Variants in RNF157 observed in about 807,000 individuals in gnomAD.
RNF157 encodes E3 ubiquitin ligase RNF157.
Under a neutral mutation model 88.3 loss-of-function variants are expected in RNF157, and 55 were observed. That is an observed-to-expected ratio of 0.62 (90% CI 0.50 to 0.78). The LOEUF is 0.78. Among genes scored for constraint, RNF157 ranks in the 30% least tolerant of loss-of-function variants. The probability of loss-of-function intolerance (pLI) is 0.00; values close to 1 mark genes in which losing one functional copy is unlikely to be tolerated. For synonymous variants in RNF157, 334 were observed against 341.2 expected, an observed-to-expected ratio of 0.98 and a Z score of 0.23; for missense variants, 788 against 860.8, an observed-to-expected ratio of 0.92 and a Z score of 1.06.
At chr17:76,173,974 A>G (rs971864200) in intron 2 of RNF157, among the ~76,000 whole-genome samples, 184 bp from the exon 3 acceptor site, 2 of 152,132 alleles carry the variant, frequency 1.3e-5, no homozygotes, top group African/African-American at 4.8e-5. Context: ...AGCTAGCGGG[A>G]AAACTGGGAT....
intron 2 of RNF157, among the ~76,000 whole-genome samples, chr17:76,180,939 A>G (rs768231378): frequency 1.3e-5 from 2 of 152,192 alleles, no homozygotes; most frequent in Non-Finnish European, 2.9e-5. Context: ...TTCCGTGTGT[A>G]TGCTGGAGGA....
intron 1 of RNF157, among the ~76,000 whole-genome samples, chr17:76,218,195 C>T (rs7214563): frequency 0.16 from 23,730 of 152,042 alleles, 2,956 homozygotes; most frequent in African/African-American, 0.34. Flanking sequence ...AAGAAAGGCA[C>T]CCAGGCAAAA....
In RNF157 at chr17:76,240,048, C is replaced by T. The variant is rs945205937; in HGVS notation, c.88+105G>A. On this transcript the variant is annotated intron_variant, in intron 1 of 18. Coordinates refer to ENST00000269391, the MANE Select transcript of RNF157 (RefSeq NM_052916.3). This position sits in a 1 kb window ranked among gnomAD's most constrained non-coding sequence, Gnocchi z 4.4. Reference sequence around the variant, plus strand: ...AAGACCGTTTCGGAGCGTCCGCAACCACTGAGTCCCCGAAGACCCGCGGGG... The same window carrying T: ...AAGACCGTTTCGGAGCGTCCGCAACTACTGAGTCCCCGAAGACCCGCGGGG... The T allele has an allele frequency of 1.6e-5, 8 of 499,448 alleles. No individual in the cohort carries two copies. Among genetic ancestry groups the T allele is most frequent in the Non-Finnish European group, 2.3e-5 (8 of 341,928 alleles). 30.9% of individuals were successfully genotyped at this position (499,448 alleles called of 1,614,324 possible).
At chr17:76,218,158 T>C (rs2069921963) in intron 1 of RNF157, among the ~76,000 whole-genome samples, 1 of 152,010 alleles carries the variant, frequency 6.6e-6, no homozygotes, top group Non-Finnish European at 1.5e-5. Flanking sequence ...CTAAGACAAG[T>C]TCAGTAAAAT....
At chr17:76,167,168 G>T in intron 4 of RNF157, 42 bp from the exon 5 acceptor site, 2 of 1,417,156 alleles carry the variant, frequency 1.4e-6, no homozygotes, top group Non-Finnish European at 9.9e-7. Flanking sequence ...TCAGTATCCG[G>T]CACAGATGGG....
At chr17:76,214,769 T>C (rs1489016955) in intron 1 of RNF157, among the ~76,000 whole-genome samples, 1 of 152,072 alleles carries the variant, frequency 6.6e-6, no homozygotes, top group Non-Finnish European at 1.5e-5. Context: ...TGCAATATAA[T>C]AACCAAATGA....
rs559561383 is a variant in RNF157 at position 76,218,298 on chromosome 17, T to C, written c.89-5816A>G. On this transcript the variant is annotated intron_variant, in intron 1 of 18. Transcript: ENST00000269391. ...AAGACAAGGGAGTAACATTCTAAGG[T>C]AGTCAAAGAAAGAAAAGCCCCTGAG... Among the ~76,000 whole-genome samples, 181 of 152,122 alleles carry C rather than the reference T, an allele frequency of 1.2e-3. 1 individual carries two copies. The highest frequency in any genetic ancestry group is 4.2e-3 in the African/African-American group (175 of 41,488).
intron 13 of RNF157, among the ~76,000 whole-genome samples, chr17:76,156,894 C>T (rs2144820804): frequency 6.6e-6 from 1 of 152,268 alleles, no homozygotes; most frequent in Middle Eastern, 3.4e-3. Context: ...CGAACTGTAT[C>T]TCCATAATCC....
intron 1 of RNF157, among the ~76,000 whole-genome samples, chr17:76,218,558 T>C (rs374770769): frequency 1.8e-4 from 28 of 152,102 alleles, no homozygotes; most frequent in East Asian, 5.8e-4. Context: ...GGTGGGAGGA[T>C]TGCTGGAGGT....
intron 2 of RNF157, among the ~76,000 whole-genome samples, chr17:76,207,616 T>C (rs1436468109): frequency 1.3e-5 from 2 of 152,232 alleles, no homozygotes; most frequent in African/African-American, 4.8e-5. Context: ...CTGCCCATAT[T>C]CACTCTCTCT....
intron 3 of RNF157, among the ~76,000 whole-genome samples, chr17:76,172,464 G>T (rs2069029789): frequency 6.6e-6 from 1 of 151,870 alleles, no homozygotes; most frequent in Non-Finnish European, 1.5e-5. Flanking sequence ...GGTGATGCAT[G>T]CCTGTAATCA....
intron 2 of RNF157, among the ~76,000 whole-genome samples, chr17:76,181,907 C>CAAA (rs36009510): frequency 1.3e-5 from 1 of 75,916 alleles, no homozygotes; most frequent in African/African-American, 4.7e-5. Context: ...GACTCTGTCT[C>CAAA]AAAAAAAAAA....
intron 3 of RNF157, among the ~76,000 whole-genome samples, chr17:76,169,631 G>A (rs2068982884): frequency 6.7e-6 from 1 of 148,488 alleles, no homozygotes; most frequent in East Asian, 2.0e-4. Context: ...CCAGGCTGGA[G>A]TGCAATGGCA....
chr17:76,175,688 A>G, intron 2 of RNF157: 1 of 890,136 alleles, frequency 1.1e-6, no homozygotes, highest in Non-Finnish European at 1.3e-6. Context: ...TTTTTTCTGG[A>G]GTAGCAAAGT....
intron 2 of RNF157, among the ~76,000 whole-genome samples, chr17:76,201,988 C>A (rs761264909): frequency 1.3e-5 from 2 of 151,376 alleles, no homozygotes; most frequent in African/African-American, 4.9e-5. Context: ...CCAAAGGGTA[C>A]GCACAGCTCA....
chr17:76,168,157 AC>A (rs1209961776), intron 3 of RNF157, among the ~76,000 whole-genome samples: 1 of 152,054 alleles, frequency 6.6e-6, no homozygotes, highest in Non-Finnish European at 1.5e-5. Flanking sequence ...TTTGGCATTT[AC>A]CCACGTTTCT....
Position 76,240,059 on chromosome 17 carries a change from C to T in RNF157, c.88+94G>A. The T allele has an allele frequency of 1.6e-6, 1 of 640,612 alleles. No individual in the cohort carries two copies. The highest frequency in any genetic ancestry group is 2.1e-6 in the Non-Finnish European group (1 of 466,808). 39.7% of individuals were successfully genotyped at this position (640,612 alleles called of 1,614,324 possible). Reference sequence around the variant, plus strand: ...GGAGCGTCCGCAACCACTGAGTCCCCGAAGACCCGCGGGGCCCCCTCAGGC... The same window carrying T: ...GGAGCGTCCGCAACCACTGAGTCCCTGAAGACCCGCGGGGCCCCCTCAGGC... On this transcript the variant is annotated intron_variant, in intron 1 of 18. Transcript: ENST00000269391. This position sits in a 1 kb window ranked among gnomAD's most constrained non-coding sequence, Gnocchi z 4.4.
At chr17:76,193,935 C>T (rs566338222) in intron 2 of RNF157, among the ~76,000 whole-genome samples, 26 of 152,298 alleles carry the variant, frequency 1.7e-4, no homozygotes, top group Non-Finnish European at 2.4e-4. Flanking sequence ...CTGGGGGACA[C>T]GGCTACCACT....
intron 2 of RNF157, among the ~76,000 whole-genome samples, chr17:76,208,067 C>A (rs1886027845): frequency 6.6e-6 from 1 of 151,978 alleles, no homozygotes; most frequent in Non-Finnish European, 1.5e-5. Flanking sequence ...AGGCATGCAC[C>A]ACCACGCCTG....
Sources: allele counts gnomAD v4.1 joint callset (sites outside exome capture counted in the v4.1 genomes callset), GRCh38; gene constraint gnomAD v4.1.1; non-coding constraint Gnocchi (gnomAD v3.1); transcripts MANE v1.5; gene names NCBI Gene and HGNC (gene_info 2026-07-23, HGNC 2026-07-21).